The following TCF4 variants were observed in gnomAD, a reference collection of about 807,000 sequenced individuals.
TCF4 encodes the protein transcription factor 4.
TCF4 carries 3 observed loss-of-function variants against 82.1 expected under a neutral mutation model. That is an observed-to-expected ratio of 0.04 (90% CI 0.02 to 0.09). The LOEUF is 0.09. Ranked by LOEUF, TCF4 falls within the 10% of genes least tolerant of loss-of-function variation. The pLI, the probability that TCF4 is intolerant of heterozygous loss-of-function variation, is 1.00. For missense variants in TCF4, 518 were observed against 852.7 expected (o/e 0.61, Z 4.89); for synonymous variants, 276 against 309.6 (o/e 0.89, Z 1.14).
At chr18:55,240,058 T>C (rs2050742284) in intron 15 of TCF4, among the ~76,000 whole-genome samples, 2 of 152,210 alleles carry the variant, frequency 1.3e-5, no homozygotes, top group African/African-American at 4.8e-5. Flanking sequence ...TAAAAGAGTA[T>C]ACAATGGGAA....
At chr18:55,566,048 A>C (rs539898730) in intron 3 of TCF4, among the ~76,000 whole-genome samples, 2 of 150,786 alleles carry the variant, frequency 1.3e-5, no homozygotes, top group Non-Finnish European at 3.0e-5. Flanking sequence ...AAAATACAAA[A>C]AAAAAAAAAA....
intron 8 of TCF4, among the ~76,000 whole-genome samples, chr18:55,316,636 C>T (rs2074215416): frequency 1.3e-5 from 2 of 151,992 alleles, no homozygotes; most frequent in Admixed American, 1.3e-4. Flanking sequence ...ACAAAAAAAG[C>T]CGAACAGGGG....
chr18:55,271,127 C>T (rs987657116), intron 10 of TCF4, among the ~76,000 whole-genome samples: 4 of 152,204 alleles, frequency 2.6e-5, no homozygotes. Flanking sequence ...CCTGTTTACT[C>T]TGTGAGATCC....
Position 55,333,005 on chromosome 18 carries a change from C to T in TCF4, c.549+17354G>A, listed in dbSNP as rs111672672. Among the ~76,000 whole-genome samples, 551 of 152,292 alleles carry T rather than the reference C, an allele frequency of 3.6e-3. 2 individuals carry two copies. Among genetic ancestry groups the T allele is most frequent in the Non-Finnish European group, 6.6e-3 (447 of 68,012 alleles). ...ACATCTTTTATGAAACAAGCCTAAT[C>T]GGTCAAGTCTACCAAAAAATTTACT... On this transcript the variant is annotated intron_variant, in intron 8 of 19. Coordinates refer to ENST00000354452, the MANE Select transcript of TCF4 (RefSeq NM_001083962.2).
intron 5 of TCF4, chr18:55,422,565 G>A (rs1011702706): frequency 2.9e-6 from 2 of 678,840 alleles, no homozygotes; most frequent in Admixed American, 6.3e-5. Context: ...ATTTAGGGGG[G>A]TGGTTTAAAG....
At chr18:55,474,880 TCCTCCCAATTCAG>T in intron 3 of TCF4, among the ~76,000 whole-genome samples, 1 of 152,220 alleles carries the variant, frequency 6.6e-6, no homozygotes, top group East Asian at 1.9e-4. Context: ...GCTTAGGAGA[TCCTCCCAATTCAG>T]CCTCCCAAGT....
intron 2 of TCF4, among the ~76,000 whole-genome samples, chr18:55,617,850 T>TG (rs59161210): frequency 3.4e-5 from 5 of 149,068 alleles, no homozygotes; most frequent in Non-Finnish European, 6.0e-5. Flanking sequence ...TGTGTGTGTG[T>TG]AGTCTTTAGA....
chr18:55,236,441 G>A (rs73487022), intron 15 of TCF4, among the ~76,000 whole-genome samples: 12,798 of 151,414 alleles, frequency 0.085, 686 homozygotes, highest in African/African-American at 0.14. Context: ...GCTCTGTGGC[G>A]TTAAGTACAA....
At chr18:55,335,215 T>A (rs1422849723) in intron 8 of TCF4, among the ~76,000 whole-genome samples, 1 of 152,234 alleles carries the variant, frequency 6.6e-6, no homozygotes, top group Non-Finnish European at 1.5e-5. Flanking sequence ...CTGAATTACC[T>A]AGGCACAATG....
chr18:55,383,504 T>C (rs909519090), intron 6 of TCF4, among the ~76,000 whole-genome samples: 4 of 152,204 alleles, frequency 2.6e-5, no homozygotes, highest in Non-Finnish European at 5.9e-5. Context: ...TGTCTGCATA[T>C]TGTACCAATC....
intron 6 of TCF4, among the ~76,000 whole-genome samples, chr18:55,385,647 C>T (rs1283592346): frequency 3.3e-5 from 5 of 152,264 alleles, no homozygotes; most frequent in African/African-American, 7.2e-5. Context: ...GTGATCTGCC[C>T]GCCTAGGCCT....
chr18:55,589,814 G>A (rs571796284), upstream of TCF4: 3 of 1,007,402 alleles, frequency 3.0e-6, no homozygotes, highest in South Asian at 4.7e-5. Flanking sequence ...ATAAAGAGAA[G>A]GAGCTGCGGC....
intron 2 of TCF4, among the ~76,000 whole-genome samples, chr18:55,611,678 A>C (rs1426114021): frequency 6.6e-6 from 1 of 152,226 alleles, no homozygotes; most frequent in Non-Finnish European, 1.5e-5. Context: ...AAAAATAAGC[A>C]AGTAAAATTA....
intron 10 of TCF4, among the ~76,000 whole-genome samples, chr18:55,270,591 G>T (rs1274825183): frequency 6.6e-6 from 1 of 152,094 alleles, no homozygotes; most frequent in Non-Finnish European, 1.5e-5. Flanking sequence ...ACTTATTTTG[G>T]TTTGAGTACT....
At chr18:55,409,220 G>A (rs893650906) in intron 5 of TCF4, among the ~76,000 whole-genome samples, 2 of 152,130 alleles carry the variant, frequency 1.3e-5, no homozygotes, top group African/African-American at 4.8e-5. Context: ...ATAGAATAGT[G>A]ATCCCACAAC....
At chr18:55,613,464 C>T (rs185941061) in intron 2 of TCF4, among the ~76,000 whole-genome samples, 2 of 152,238 alleles carry the variant, frequency 1.3e-5, no homozygotes, top group South Asian at 4.2e-4. Context: ...TGTCCATAGT[C>T]CATTCCTTTT....
chr18:55,485,218 G>T (rs1568192285), intron 3 of TCF4, among the ~76,000 whole-genome samples: 1 of 152,182 alleles, frequency 6.6e-6, no homozygotes, highest in African/African-American at 2.4e-5. Flanking sequence ...AACCACCAGA[G>T]ATTTTGGAAT....
intron 3 of TCF4, among the ~76,000 whole-genome samples, chr18:55,570,662 G>A (rs1177845707): frequency 1.3e-5 from 2 of 152,024 alleles, no homozygotes; most frequent in Non-Finnish European, 2.9e-5. Flanking sequence ...AAGGCAAATT[G>A]CTTGAGCTCA....
intron 8 of TCF4, among the ~76,000 whole-genome samples, chr18:55,346,902 T>C (rs2081296580): frequency 6.6e-6 from 1 of 152,158 alleles, no homozygotes; most frequent in South Asian, 2.1e-4. Flanking sequence ...TCATGTTAAT[T>C]TCTGTTAAGA....
Sources: gnomAD v4.1 joint callset for allele counts (sites outside exome capture counted in the v4.1 genomes callset) on GRCh38, gnomAD v4.1.1 for gene constraint, MANE v1.5 for transcripts, NCBI Gene and HGNC (gene_info 2026-07-23, HGNC 2026-07-21) for gene names.